KSR2: variants seen among roughly 807,000 people sequenced by gnomAD.
KSR2 encodes kinase suppressor of ras 2.
Under a neutral mutation model 107.8 loss-of-function variants are expected in KSR2, and 25 were observed. The observed-to-expected ratio is 0.23, with a 90% CI of 0.17 to 0.32. The LOEUF is 0.32. Among genes scored for constraint, KSR2 ranks in the 10% least tolerant of loss-of-function variants. The pLI is 1.00. For missense variants in KSR2, 887 were observed against 1,268.9 expected (o/e 0.70, Z 4.57); for synonymous variants, 480 against 507.0 (o/e 0.95, Z 0.71).
intron 3 of KSR2, among the ~76,000 whole-genome samples, chr12:117,844,457 G>A (rs1042193231): frequency 7.2e-6 from 1 of 138,734 alleles, no homozygotes; most frequent in Non-Finnish European, 1.5e-5. Context: ...TTGCTGAGAT[G>A]CTGAAATTCC....
At position 117,729,643 on chromosome 12, in the gene KSR2, T is replaced by A. The variant is rs890672719; in HGVS notation, c.986+31368A>T. On this transcript the variant is annotated intron_variant, in intron 4 of 19. Transcript: ENST00000339824. ...TAGACTGACAGTCGGCTTCCAATGC[T>A]GGGAAGGCTGCAAAAACCATTTAAC... Among the ~76,000 whole-genome samples the A allele has an allele frequency of 2.6e-5, 4 of 152,148 alleles. No individual in the cohort carries two copies. The South Asian group carries it at 6.2e-4, about 24-fold the overall frequency.
chr12:117,730,860 A>G (rs1018344569), intron 4 of KSR2, among the ~76,000 whole-genome samples: 4 of 151,884 alleles, frequency 2.6e-5, no homozygotes, highest in Non-Finnish European at 5.9e-5. Flanking sequence ...GCTCGCTACA[A>G]CCTCCACCTC....
intron 3 of KSR2, among the ~76,000 whole-genome samples, chr12:117,789,864 A>G (rs1247890563): frequency 6.6e-6 from 1 of 152,240 alleles, no homozygotes; most frequent in African/African-American, 2.4e-5. Context: ...AGGTAAACAG[A>G]CAACTCATAA....
intron 4 of KSR2, among the ~76,000 whole-genome samples, chr12:117,688,584 T>C (rs193253846): frequency 2.4e-3 from 362 of 152,318 alleles, no homozygotes; most frequent in Non-Finnish European, 4.0e-3. Flanking sequence ...AGGTTTGACA[T>C]TGGCTGATGC....
intron 3 of KSR2, among the ~76,000 whole-genome samples, chr12:117,786,943 C>T (rs569166416): frequency 9.2e-5 from 14 of 151,588 alleles, no homozygotes; most frequent in Admixed American, 3.3e-4. Context: ...GCAGGAGAAT[C>T]GCTTGAACCC....
At chr12:117,898,183 TC>T (rs2137383220) in intron 1 of KSR2, among the ~76,000 whole-genome samples, 1 of 152,192 alleles carries the variant, frequency 6.6e-6, no homozygotes, top group East Asian at 1.9e-4. Context: ...TGGTCAAACT[TC>T]CCCTTAAAAT....
chr12:117,504,653 G>A (rs1275555286), intron 14 of KSR2, among the ~76,000 whole-genome samples: 1 of 152,150 alleles, frequency 6.6e-6, no homozygotes, highest in African/African-American at 2.4e-5. Flanking sequence ...GGGAAGGTTA[G>A]TAGGAAGGGG....
intron 5 of KSR2, among the ~76,000 whole-genome samples, chr12:117,640,458 C>T (rs1883305992): frequency 6.6e-6 from 1 of 152,272 alleles, no homozygotes; most frequent in African/African-American, 2.4e-5. Context: ...ACCATGTAGA[C>T]CAGGCTGGTC....
intron 4 of KSR2, among the ~76,000 whole-genome samples, chr12:117,723,607 T>C (rs988561525): frequency 1.3e-5 from 2 of 151,802 alleles, no homozygotes; most frequent in African/African-American, 2.4e-5. Context: ...TTAAAAAAAA[T>C]AAAAGCTCAA....
chr12:117,623,871 C>T (rs1882325036), intron 5 of KSR2, among the ~76,000 whole-genome samples: 2 of 152,208 alleles, frequency 1.3e-5, no homozygotes, highest in Admixed American at 6.5e-5. Flanking sequence ...TCCTATTTCT[C>T]CACATCCTCT....
chr12:117,668,259 T>C (rs931096490), intron 4 of KSR2, among the ~76,000 whole-genome samples: 2 of 152,192 alleles, frequency 1.3e-5, no homozygotes, highest in Non-Finnish European at 2.9e-5. Context: ...TGGAAATGCT[T>C]CCTCTTGCTG....
intron 1 of KSR2, among the ~76,000 whole-genome samples, chr12:117,925,967 C>T (rs997745917): frequency 9.2e-5 from 14 of 152,042 alleles, no homozygotes; most frequent in Admixed American, 2.6e-4. Flanking sequence ...GAGGCTGAGG[C>T]GGGCAGATCA....
chr12:117,610,805 T>C (rs1453269415), intron 5 of KSR2, among the ~76,000 whole-genome samples: 2 of 148,856 alleles, frequency 1.3e-5, no homozygotes, highest in Non-Finnish European at 3.0e-5. Flanking sequence ...TCCGAATACA[T>C]GTATAAGTAG....
intron 1 of KSR2, among the ~76,000 whole-genome samples, chr12:117,957,349 C>T (rs1156298965): frequency 6.6e-6 from 1 of 152,214 alleles, no homozygotes; most frequent in Non-Finnish European, 1.5e-5. Context: ...TTCCAAGCAT[C>T]ACAGAAGCCC....
intron 4 of KSR2, among the ~76,000 whole-genome samples, chr12:117,743,720 C>T (rs1461642212): frequency 2.0e-5 from 3 of 152,118 alleles, no homozygotes; most frequent in Admixed American, 1.3e-4. Context: ...TTTCCTATGC[C>T]CTGAACTTTT....
chr12:117,887,669 G>A (rs1053781214), intron 1 of KSR2, among the ~76,000 whole-genome samples: 2 of 152,194 alleles, frequency 1.3e-5, no homozygotes, highest in Non-Finnish European at 2.9e-5. Context: ...GTGGCTGCCA[G>A]GGTTGCTTCA....
chr12:117,483,951 T>G lies in KSR2; in HGVS notation c.2450+465A>C, dbSNP rs528157198. Reference sequence around the variant, plus strand: ...TAAAGTTCAGAGACGTTGTTCGGCTTGATTAAAGTCGCATTTAATAAGTGG... The same window carrying G: ...TAAAGTTCAGAGACGTTGTTCGGCTGGATTAAAGTCGCATTTAATAAGTGG... On this transcript the variant is annotated intron_variant, in intron 16 of 19. Coordinates refer to ENST00000339824, the MANE Select transcript of KSR2 (RefSeq NM_173598.6). 1.2e-4 allele frequency among the ~76,000 whole-genome samples: 18 copies of G among 152,332 alleles called. No homozygotes were observed. The East Asian group carries it at 3.3e-3, about 28-fold the overall frequency.
At chr12:117,657,966 G>C (rs1193379463) in intron 5 of KSR2, among the ~76,000 whole-genome samples, 1 of 152,224 alleles carries the variant, frequency 6.6e-6, no homozygotes, top group Non-Finnish European at 1.5e-5. Context: ...AAAGTACAGA[G>C]ATGAGAAAAG....
intron 5 of KSR2, among the ~76,000 whole-genome samples, chr12:117,602,717 G>A (rs557565087): frequency 1.5e-4 from 23 of 152,224 alleles, no homozygotes; most frequent in South Asian, 6.2e-4. Context: ...GAATATTTGC[G>A]TATAGGTATT....
Sources: gnomAD v4.1 joint callset for allele counts (sites outside exome capture counted in the v4.1 genomes callset) on GRCh38, gnomAD v4.1.1 for gene constraint, MANE v1.5 for transcripts, NCBI Gene and HGNC (gene_info 2026-07-23, HGNC 2026-07-21) for gene names.